RGS6: variants seen among roughly 807,000 people sequenced by gnomAD.
RGS6 encodes the protein regulator of G protein signaling 6.
In RGS6, 30 loss-of-function variants were observed where a neutral mutation model predicts 78.5. The ratio of observed to expected loss-of-function variants is 0.38; its 90% CI spans 0.29 to 0.52. The LOEUF (loss-of-function observed/expected upper bound fraction) is 0.52. Ranked by LOEUF, RGS6 falls within the 20% of genes least tolerant of loss-of-function variation. RGS6 has a pLI of 0.85. For missense variants in RGS6, 495 were observed against 609.7 expected (o/e 0.81, Z 1.98); for synonymous variants, 206 against 206.0 (o/e 1.00, Z 0.00).
intron 2 of RGS6, among the ~76,000 whole-genome samples, chr14:72,213,217 A>C (rs2529648): frequency 0.95 from 144,638 of 152,088 alleles, 68,963 homozygotes; most frequent in East Asian, 1. Context: ...GTATATTTCA[A>C]ACTGGGAGCT....
intron 2 of RGS6, among the ~76,000 whole-genome samples, chr14:72,171,088 T>C (rs1194111500): frequency 1.3e-5 from 2 of 152,200 alleles, no homozygotes; most frequent in Non-Finnish European, 2.9e-5. Context: ...CCAGCATGTC[T>C]AAGCCTTACC....
At chr14:72,392,703 G>C (rs73293056) in intron 3 of RGS6, among the ~76,000 whole-genome samples, 1 of 152,230 alleles carries the variant, frequency 6.6e-6, no homozygotes, top group South Asian at 2.1e-4. Context: ...AAGGAGATCT[G>C]GGGGAGGGGG....
chr14:72,365,524 C>T (rs2082296228), intron 3 of RGS6, among the ~76,000 whole-genome samples: 1 of 152,164 alleles, frequency 6.6e-6, no homozygotes, highest in African/African-American at 2.4e-5. Flanking sequence ...AACAGTGACA[C>T]AAGAGATGGT....
chr14:72,538,897 G>A (rs544746017), intron 16 of RGS6, among the ~76,000 whole-genome samples: 43 of 152,384 alleles, frequency 2.8e-4, no homozygotes, highest in African/African-American at 1.0e-3. Context: ...GCTGCCTTTG[G>A]CCTGTCCCCT....
At chr14:72,309,760 C>T (rs1169743477) in intron 2 of RGS6, among the ~76,000 whole-genome samples, 1 of 152,230 alleles carries the variant, frequency 6.6e-6, no homozygotes, top group Non-Finnish European at 1.5e-5. Context: ...ATGATGGCAA[C>T]AGACTGGTCC....
chr14:71,936,015 G>GAAATATATATATAT (rs751624395), intron 1 of RGS6, among the ~76,000 whole-genome samples: 1 of 63,800 alleles, frequency 1.6e-5, no homozygotes, highest in Non-Finnish European at 3.3e-5. Flanking sequence ...GAACTAATAG[G>GAAATATATATATAT]ATATATATAT....
chr14:71,988,511 A>G (rs1208521264), intron 2 of RGS6, among the ~76,000 whole-genome samples: 1 of 152,156 alleles, frequency 6.6e-6, no homozygotes, highest in African/African-American at 2.4e-5. Context: ...CTGTATATCA[A>G]GTTTTATTGA....
chr14:72,590,434 T>C, the RGS6 span, among the ~76,000 whole-genome samples: 1 of 152,216 alleles, frequency 6.6e-6, no homozygotes, highest in African/African-American at 2.4e-5. Context: ...CTCGTTCATA[T>C]AGTGGGATGT....
In RGS6 at chr14:72,178,665, C is replaced by G. The variant is rs554033449; in HGVS notation, c.85-173430C>G. ...TATTGAAGAAAGGGAAGGGTTTTGC[C>G]AAAAGCCCTACTCAAGGCTGGGAGG... On this transcript the variant is annotated intron_variant, in intron 2 of 17. Coordinates refer to ENST00000553525, the MANE Select transcript of RGS6 (RefSeq NM_001204424.2). Among the ~76,000 whole-genome samples the G allele has an allele frequency of 3.9e-5, 6 of 152,186 alleles. No individual in the cohort carries two copies. In the South Asian group the frequency reaches 1.2e-3, roughly 32 times the overall value.
chr14:72,575,561 G>A, the RGS6 span, among the ~76,000 whole-genome samples: 2 of 152,122 alleles, frequency 1.3e-5, no homozygotes, highest in East Asian at 1.9e-4. Flanking sequence ...TTCCAGCTCC[G>A]TCCAGATTGC....
At chr14:72,119,217 G>A (rs1434159035) in intron 2 of RGS6, among the ~76,000 whole-genome samples, 1 of 152,152 alleles carries the variant, frequency 6.6e-6, no homozygotes, top group Non-Finnish European at 1.5e-5. Context: ...TTTTGGGCTG[G>A]AGCATGACTA....
intron 3 of RGS6, among the ~76,000 whole-genome samples, chr14:72,369,299 C>T (rs1471540219): frequency 1.3e-5 from 2 of 152,132 alleles, no homozygotes; most frequent in African/African-American, 4.8e-5. Flanking sequence ...AATGATGTGG[C>T]CAGAAGCCAA....
the RGS6 span, among the ~76,000 whole-genome samples, chr14:71,881,120 A>G: frequency 6.6e-6 from 1 of 152,210 alleles, no homozygotes; most frequent in African/African-American, 2.4e-5. Flanking sequence ...TGGGACCTTC[A>G]GCCCCTTCAT....
chr14:72,240,016 T>G (rs561975887), intron 2 of RGS6, among the ~76,000 whole-genome samples: 52 of 151,698 alleles, frequency 3.4e-4, no homozygotes, highest in African/African-American at 1.2e-3. Flanking sequence ...GAGGGTGTCC[T>G]AACATGAATC....
intron 2 of RGS6, among the ~76,000 whole-genome samples, chr14:72,079,866 T>C (rs887105455): frequency 6.6e-6 from 1 of 152,218 alleles, no homozygotes; most frequent in African/African-American, 2.4e-5. Context: ...ATGACAGATA[T>C]CCTTCTTTTT....
At chr14:72,558,612 C>T (rs755030736) in intron 17 of RGS6, among the ~76,000 whole-genome samples, 10 of 152,182 alleles carry the variant, frequency 6.6e-5, no homozygotes, top group Non-Finnish European at 1.5e-4. Flanking sequence ...GATTCCATGA[C>T]CACCTTCTTC....
At chr14:72,310,057 T>C (rs547430186) in intron 2 of RGS6, among the ~76,000 whole-genome samples, 3 of 152,382 alleles carry the variant, frequency 2.0e-5, no homozygotes, top group African/African-American at 7.2e-5. Flanking sequence ...CTCTCAATCC[T>C]TTCCTCTCCG....
intron 2 of RGS6, among the ~76,000 whole-genome samples, chr14:72,347,012 C>G (rs1007264371): frequency 2.0e-5 from 3 of 152,186 alleles, no homozygotes; most frequent in Non-Finnish European, 4.4e-5. Flanking sequence ...GAAGGACATT[C>G]TCGTGGCTGT....
the RGS6 span, among the ~76,000 whole-genome samples, chr14:72,627,715 A>G: frequency 6.6e-6 from 1 of 152,150 alleles, no homozygotes; most frequent in Non-Finnish European, 1.5e-5. Context: ...ATTGGACCTG[A>G]GATAAATTTA....
Sources: allele counts gnomAD v4.1 joint callset (sites outside exome capture counted in the v4.1 genomes callset), GRCh38; gene constraint gnomAD v4.1.1; transcripts MANE v1.5; gene names NCBI Gene and HGNC (gene_info 2026-07-23, HGNC 2026-07-21).